DDX10: variants seen among roughly 807,000 people sequenced by gnomAD.
DDX10 encodes probable ATP-dependent RNA helicase DDX10.
In DDX10, 74 loss-of-function variants were observed where a neutral mutation model predicts 104.3. The observed-to-expected ratio is 0.71, with a 90% CI of 0.59 to 0.86. The LOEUF (loss-of-function observed/expected upper bound fraction) is 0.86. DDX10 is among the 40% of genes least tolerant of loss of function. The pLI is 0.00. For synonymous variants in DDX10, 351 were observed against 353.4 expected, an observed-to-expected ratio of 0.99 and a Z score of 0.08; for missense variants, 952 against 1,040.0, an observed-to-expected ratio of 0.92 and a Z score of 1.16.
intron 13 of DDX10, among the ~76,000 whole-genome samples, chr11:108,836,565 C>T (rs1381901560): frequency 6.6e-6 from 1 of 152,176 alleles, no homozygotes; most frequent in African/African-American, 2.4e-5. Context: ...CAGGTCACTG[C>T]AACCTCCGCC....
chr11:108,675,506 A>G (rs2094223325), intron 2 of DDX10, 90 bp from the exon 3 acceptor site: 6 of 1,442,166 alleles, frequency 4.2e-6, no homozygotes, highest in Admixed American at 2.1e-5. Flanking sequence ...GGGCTTCAAC[A>G]TAGGAATTTT....
At chr11:108,911,587 T>A (rs1304377891) in intron 16 of DDX10, among the ~76,000 whole-genome samples, 4 of 61,516 alleles carry the variant, frequency 6.5e-5, no homozygotes, top group South Asian at 5.8e-4. Flanking sequence ...TTTTTTTTTT[T>A]GAGACAGGAC....
At chr11:108,940,165 ACT>A (rs1324024810) in intron 17 of DDX10, 79 bp from the exon 18 acceptor site, 60 of 1,402,838 alleles carry the variant, frequency 4.3e-5, no homozygotes, top group East Asian at 1.9e-4. Context: ...CACTTTACCA[ACT>A]CTCTGTTAAT....
At chr11:108,840,255 A>G (rs1368167126) in intron 14 of DDX10, among the ~76,000 whole-genome samples, 3 of 152,220 alleles carry the variant, frequency 2.0e-5, no homozygotes, top group Non-Finnish European at 4.4e-5. Context: ...CTCCATAGGA[A>G]TCTCATCTTG....
At chr11:108,777,124 C>G (rs759378771) in intron 13 of DDX10, among the ~76,000 whole-genome samples, 1 of 152,180 alleles carries the variant, frequency 6.6e-6, no homozygotes, top group African/African-American at 2.4e-5. Flanking sequence ...GCATGATTTC[C>G]TTCTTTCCTA....
Position 108,791,889 on chromosome 11 carries a change from G to A in DDX10, c.1966-46557G>A, listed in dbSNP as rs145288678. On this transcript the variant is annotated intron_variant, in intron 13 of 17. Coordinates refer to ENST00000322536, the MANE Select transcript of DDX10 (RefSeq NM_004398.4). ...TGTTTTTCAAAGTGGCTGTGACTGC[G>A]TATTTGACTTTGCCAGCAGTGTATG... Among the ~76,000 whole-genome samples the A allele has an allele frequency of 2.6e-4, 39 of 152,238 alleles. 1 individual carries two copies. Among genetic ancestry groups the A allele is most frequent in the South Asian group, 1.5e-3 (7 of 4,818 alleles).
chr11:108,699,520 T>G (rs2094264504), intron 9 of DDX10, among the ~76,000 whole-genome samples: 1 of 152,208 alleles, frequency 6.6e-6, no homozygotes, highest in Non-Finnish European at 1.5e-5. Context: ...TCATCTGGTC[T>G]TCTTCACAGG....
chr11:108,871,616 C>A (rs1366001926), intron 16 of DDX10, among the ~76,000 whole-genome samples: 1 of 152,176 alleles, frequency 6.6e-6, no homozygotes, highest in African/African-American at 2.4e-5. Context: ...TCCTCCTTAC[C>A]AGTCCCACGA....
chr11:108,885,581 G>T (rs1863286082), intron 16 of DDX10, among the ~76,000 whole-genome samples: 1 of 151,960 alleles, frequency 6.6e-6, no homozygotes, highest in East Asian at 1.9e-4. Flanking sequence ...CACCACGTTG[G>T]CCAGGCTGGT....
intron 16 of DDX10, among the ~76,000 whole-genome samples, chr11:108,861,711 G>T (rs2134614602): frequency 6.6e-6 from 1 of 152,246 alleles, no homozygotes; most frequent in South Asian, 2.1e-4. Flanking sequence ...TAAACTGGGT[G>T]GTAGTTACAT....
chr11:108,891,105 C>T (rs748994366), intron 16 of DDX10, among the ~76,000 whole-genome samples: 7 of 152,136 alleles, frequency 4.6e-5, no homozygotes, highest in East Asian at 1.9e-4. Context: ...CTCCTTTGAC[C>T]GCTATAGCAG....
intron 13 of DDX10, among the ~76,000 whole-genome samples, chr11:108,820,420 A>G (rs1056057498): frequency 6.6e-6 from 1 of 152,210 alleles, no homozygotes; most frequent in Non-Finnish European, 1.5e-5. Flanking sequence ...CTTATTCCAC[A>G]TAGGAGGTTC....
chr11:108,883,900 C>G (rs990901474), intron 16 of DDX10, among the ~76,000 whole-genome samples: 5 of 152,140 alleles, frequency 3.3e-5, no homozygotes, highest in African/African-American at 1.2e-4. Context: ...CCTGGGAACT[C>G]TTTTTCCATC....
chr11:108,797,972 A>C (rs1054454363), intron 13 of DDX10, among the ~76,000 whole-genome samples: 1 of 152,188 alleles, frequency 6.6e-6, no homozygotes, highest in Non-Finnish European at 1.5e-5. Flanking sequence ...CCATGGTAGA[A>C]ACCGCAGTCT....
chr11:108,682,878 GT>G (rs930322264), intron 6 of DDX10, among the ~76,000 whole-genome samples: 5 of 151,082 alleles, frequency 3.3e-5, no homozygotes, highest in Non-Finnish European at 7.4e-5. Flanking sequence ...TATCTTGGCA[GT>G]TTTTTTTTCC....
intron 13 of DDX10, among the ~76,000 whole-genome samples, chr11:108,778,226 G>A (rs1487639313): frequency 2.0e-5 from 3 of 152,152 alleles, no homozygotes; most frequent in Non-Finnish European, 4.4e-5. Context: ...AAAAGAGCCT[G>A]CATTGCCAAG....
At chr11:108,737,902 C>T (rs1462142144) in intron 13 of DDX10, among the ~76,000 whole-genome samples, 1 of 152,100 alleles carries the variant, frequency 6.6e-6, no homozygotes, top group African/African-American at 2.4e-5. Flanking sequence ...AATTCTTCCA[C>T]CTGCGTGCAT....
intron 13 of DDX10, among the ~76,000 whole-genome samples, chr11:108,804,006 T>C (rs1170977189): frequency 6.6e-6 from 1 of 152,202 alleles, no homozygotes; most frequent in Non-Finnish European, 1.5e-5. Context: ...GGCAATTTCT[T>C]GCTGCTCTCT....
intron 16 of DDX10, among the ~76,000 whole-genome samples, chr11:108,873,335 C>G (rs539676733): frequency 6.6e-6 from 1 of 152,298 alleles, no homozygotes; most frequent in South Asian, 2.1e-4. Context: ...TATGTTGCCT[C>G]TGTCCCCTTG....
Sources: gnomAD v4.1 joint callset for allele counts (sites outside exome capture counted in the v4.1 genomes callset) on GRCh38, gnomAD v4.1.1 for gene constraint, MANE v1.5 for transcripts, NCBI Gene and HGNC (gene_info 2026-07-23, HGNC 2026-07-21) for gene names.